Variants in DLEU7 observed in about 807,000 individuals in gnomAD.
DLEU7 encodes the protein deleted in lymphocytic leukemia 7, also known as leukemia-associated protein 7.
DLEU7 carries 17 observed loss-of-function variants against 16.0 expected under a neutral mutation model. The observed-to-expected ratio is 1.06, with a 90% CI of 0.73 to 1.59. The LOEUF is 1.59. DLEU7 is among the 40% of genes most tolerant of loss of function. The pLI is 0.00. For missense variants in DLEU7, 308 were observed against 314.9 expected (o/e 0.98, Z 0.17); for synonymous variants, 113 against 139.8 (o/e 0.81, Z 1.35).
intron 1 of DLEU7, among the ~76,000 whole-genome samples, chr13:50,824,098 T>G (rs1323497831): frequency 6.6e-6 from 1 of 152,218 alleles, no homozygotes; most frequent in African/African-American, 2.4e-5. Context: ...AAATAGCCTG[T>G]GTTTCTATTA....
chr13:50,754,863 A>G lies in DLEU7; in HGVS notation c.460-41623T>C, dbSNP rs1039259114. ...TTCAAGATTTAGAGCTCCTTTTAGC[A>G]GTTCTTGTTGTAGTGGTTTGGTAGT... On this transcript the variant is annotated intron_variant, in intron 1 of 1. Transcript: ENST00000400393. 2.0e-5 allele frequency among the ~76,000 whole-genome samples: 3 copies of G among 152,178 alleles called. No homozygotes were observed. The East Asian group carries it at 5.8e-4, about 29-fold the overall frequency.
chr13:50,828,860 T>C (rs1255695776), intron 1 of DLEU7, among the ~76,000 whole-genome samples: 2 of 152,202 alleles, frequency 1.3e-5, no homozygotes, highest in Admixed American at 6.5e-5. Flanking sequence ...GACAGAACCA[T>C]ACCATGCTCA....
intron 1 of DLEU7, among the ~76,000 whole-genome samples, chr13:50,728,698 C>G (rs1302852064): frequency 6.7e-6 from 1 of 150,084 alleles, no homozygotes; most frequent in African/African-American, 2.4e-5. Flanking sequence ...GATTACAGAA[C>G]AGGAGTGTTT....
intron 1 of DLEU7, among the ~76,000 whole-genome samples, chr13:50,718,024 T>C (rs1248377276): frequency 2.0e-5 from 3 of 152,202 alleles, no homozygotes; most frequent in Non-Finnish European, 4.4e-5. Context: ...ACATGGGAGC[T>C]TGTTTCCAAT....
chr13:50,830,216 C>A (rs1877217507), intron 1 of DLEU7, among the ~76,000 whole-genome samples: 1 of 152,188 alleles, frequency 6.6e-6, no homozygotes, highest in Admixed American at 6.5e-5. Flanking sequence ...AAATTGATGG[C>A]CAGCATTTAC....
At chr13:50,801,258 C>T (rs993031957) in intron 1 of DLEU7, among the ~76,000 whole-genome samples, 8 of 152,072 alleles carry the variant, frequency 5.3e-5, no homozygotes, top group African/African-American at 1.7e-4. Context: ...AGTGAGCTCT[C>T]GGTAGCTGAA....
chr13:50,748,894 C>CT (rs202226297), intron 1 of DLEU7, among the ~76,000 whole-genome samples: 4 of 151,972 alleles, frequency 2.6e-5, no homozygotes, highest in African/African-American at 9.7e-5. Flanking sequence ...AATCTACATG[C>CT]TTTTTTTTCC....
At chr13:50,735,702 GAACA>G (rs1395500172) in intron 1 of DLEU7, among the ~76,000 whole-genome samples, 6 of 152,060 alleles carry the variant, frequency 3.9e-5, no homozygotes, top group Admixed American at 6.6e-5. Context: ...CAAAGGACAT[GAACA>G]AACACTTTTC....
intron 1 of DLEU7, among the ~76,000 whole-genome samples, chr13:50,737,012 G>A (rs970545346): frequency 5.3e-5 from 8 of 152,108 alleles, no homozygotes; most frequent in East Asian, 3.8e-4. Flanking sequence ...AATTTTCCAC[G>A]TAGTTTCACA....
intron 1 of DLEU7, among the ~76,000 whole-genome samples, chr13:50,796,761 C>A (rs2137778126): frequency 6.6e-6 from 1 of 152,158 alleles, no homozygotes; most frequent in African/African-American, 2.4e-5. Flanking sequence ...CTTGCTCTTC[C>A]ACCACCCTCT....
intron 1 of DLEU7, among the ~76,000 whole-genome samples, chr13:50,783,367 G>C (rs1257322045): frequency 1.3e-5 from 2 of 152,096 alleles, no homozygotes; most frequent in Non-Finnish European, 2.9e-5. Context: ...TACCCCAATA[G>C]CTTGATTCTA....
intron 1 of DLEU7, among the ~76,000 whole-genome samples, chr13:50,745,044 T>C (rs1185805143): frequency 7.9e-5 from 12 of 152,208 alleles, no homozygotes; most frequent in African/African-American, 2.9e-4. Flanking sequence ...AATTGCCATA[T>C]GACCCAGTAA....
intron 1 of DLEU7, among the ~76,000 whole-genome samples, chr13:50,786,565 C>G (rs1294979594): frequency 2.6e-5 from 4 of 152,158 alleles, no homozygotes; most frequent in African/African-American, 9.7e-5. Context: ...AAATTGCTCA[C>G]TAATACATGG....
chr13:50,768,017 C>A (rs1875172794), intron 1 of DLEU7, among the ~76,000 whole-genome samples: 2 of 152,148 alleles, frequency 1.3e-5, no homozygotes, highest in Non-Finnish European at 2.9e-5. Context: ...TAATTTTAAC[C>A]AAGTCCAATA....
chr13:50,759,560 A>T (rs1874865030), intron 1 of DLEU7, among the ~76,000 whole-genome samples: 1 of 152,176 alleles, frequency 6.6e-6, no homozygotes, highest in Non-Finnish European at 1.5e-5. Context: ...GCTTATTCTT[A>T]TTTAGCCCTT....
At chr13:50,822,208 G>A (rs1876928032), downstream of DLEU7, among the ~76,000 whole-genome samples, 1 of 152,050 alleles carries the variant, frequency 6.6e-6, no homozygotes, top group Non-Finnish European at 1.5e-5. Flanking sequence ...TCAGATTCTG[G>A]AAGAAAACAT....
At chr13:50,833,411 G>C (rs1338707536) in intron 1 of DLEU7, among the ~76,000 whole-genome samples, 3 of 152,074 alleles carry the variant, frequency 2.0e-5, no homozygotes, top group Non-Finnish European at 4.4e-5. Flanking sequence ...ATAACAGAGA[G>C]CCAAATCATG....
chr13:50,815,637 G>GA (rs1876710920), intron 1 of DLEU7, among the ~76,000 whole-genome samples: 1 of 152,130 alleles, frequency 6.6e-6, no homozygotes, highest in Non-Finnish European at 1.5e-5. Flanking sequence ...AGAAATGTAG[G>GA]AATGTTTGCT....
chr13:50,824,087 C>G (rs1222040118), intron 1 of DLEU7, among the ~76,000 whole-genome samples: 1 of 152,134 alleles, frequency 6.6e-6, no homozygotes, highest in African/African-American at 2.4e-5. Context: ...GACAAATACA[C>G]AAATAGCCTG....
Sources: allele counts gnomAD v4.1 joint callset (sites outside exome capture counted in the v4.1 genomes callset), GRCh38; gene constraint gnomAD v4.1.1; transcripts MANE v1.5; gene names NCBI Gene and HGNC (gene_info 2026-07-23, HGNC 2026-07-21).